CNKSR2: variants seen among roughly 807,000 people sequenced by gnomAD.
CNKSR2 encodes connector enhancer of kinase suppressor of Ras 2, also known as CNK homolog protein 2.
A neutral mutation model predicts 84.4 loss-of-function variants in CNKSR2; 14 were observed. That is an observed-to-expected ratio of 0.17 (90% CI 0.11 to 0.26). The LOEUF is 0.26. Among genes scored for constraint, CNKSR2 ranks in the 10% least tolerant of loss-of-function variants. The pLI is 1.00. For missense variants in CNKSR2, 485 were observed against 771.2 expected (o/e 0.63, Z 4.40); for synonymous variants, 275 against 277.9 (o/e 0.99, Z 0.10).
chrX:21,591,258 A>G lies in CNKSR2; in HGVS notation c.1830+64A>G, dbSNP rs1398773725. 4.1e-6 allele frequency: 4 copies of G among 969,554 alleles called. No homozygotes were observed. In the African/African-American group the frequency reaches 7.9e-5, roughly 19 times the overall value. 79.9% of individuals were successfully genotyped at this position (969,554 alleles called of 1,213,427 possible). ...ATCTTTAATCAAAAGAATCATTTTG[A>G]GACTTATATTTTAAAATCGTATAAT... is the stretch of plus-strand genomic sequence containing the variant. On this transcript the variant is annotated intron_variant, in intron 15 of 21. Transcript: ENST00000379510.
chrX:21,606,854 A>G lies in CNKSR2; in HGVS notation c.2120A>G (p.Tyr707Cys). The change falls in exon 19 of 22, where the codon TAT (tyrosine) becomes TGT (cysteine). Residue 707 changes from tyrosine (Y) to cysteine (C), a missense_variant. Coordinates refer to ENST00000379510, the MANE Select transcript of CNKSR2 (RefSeq NM_014927.5). ...AAACAAGATAGCCCTCCACCCCCAT[A>G]TGATACATACCCACGACCTCCCTCG... The part of the protein sequence containing the change: ...TPKQDSPPPP[Y>C]DTYPRPPSMS... 2 of 1,180,941 alleles carry G rather than the reference A, an allele frequency of 1.7e-6. No homozygotes were observed. The highest frequency in any genetic ancestry group is 2.3e-6 in the Non-Finnish European group (2 of 870,399).
Position 21,653,450 on chromosome X carries a change from C to T in CNKSR2, c.*929C>T, listed in dbSNP as rs1335161198. Reference sequence around the variant, plus strand: ...TAAACTGAAATGAATCAACTTTCCACTTAGTTTCCAATTTTCCCCTAGTCC... The same window carrying T: ...TAAACTGAAATGAATCAACTTTCCATTTAGTTTCCAATTTTCCCCTAGTCC... On this transcript the variant is annotated 3_prime_UTR_variant, in exon 22 of 22. Transcript: ENST00000379510. The T allele has an allele frequency of 9.0e-6, 1 of 110,632 alleles. No homozygotes were observed. The highest frequency in any genetic ancestry group is 9.7e-5 in the Admixed American group (1 of 10,269). 9.1% of individuals were successfully genotyped at this position (110,632 alleles called of 1,213,427 possible). A position where few individuals can be genotyped will look rare whatever the true frequency, so the allele number is the denominator to read the frequency against.
chrX:21,504,763 CA>C (rs1395544097), intron 8 of CNKSR2: 1 of 293,560 alleles, frequency 3.4e-6, no homozygotes, highest in Non-Finnish European at 5.9e-6. Flanking sequence ...TGTCCTTTTT[CA>C]TGTTGCTATA....
intron 5 of CNKSR2, among the ~76,000 whole-genome samples, chrX:21,484,556 T>C (rs993677224): frequency 8.9e-6 from 1 of 111,790 alleles, no homozygotes; most frequent in Non-Finnish European, 1.9e-5. Flanking sequence ...CTTGATTTTA[T>C]ATTTTATACT....
intron 9 of CNKSR2, among the ~76,000 whole-genome samples, chrX:21,525,677 G>A (rs367838955): frequency 2.7e-5 from 3 of 110,686 alleles, no homozygotes; most frequent in Admixed American, 1.9e-4. Context: ...CTTTTTAAGC[G>A]AATTTTGTTT....
intron 1 of CNKSR2, among the ~76,000 whole-genome samples, chrX:21,389,659 A>G (rs759695025): frequency 8.9e-6 from 1 of 112,098 alleles, no homozygotes; most frequent in South Asian, 3.7e-4. Flanking sequence ...GGATCTAGCA[A>G]TCATTCAGTA....
chrX:21,464,022 G>C (rs1268815711), intron 4 of CNKSR2, among the ~76,000 whole-genome samples: 3 of 111,785 alleles, frequency 2.7e-5, no homozygotes. Flanking sequence ...TTAGCACTAG[G>C]ACTTGCCTAA....
Position 21,633,581 on chromosome X carries a change from C to T in CNKSR2, c.2693-15250C>T, listed in dbSNP as rs754442690. Among the ~76,000 whole-genome samples the T allele has an allele frequency of 5.0e-5, 5 of 100,548 alleles. No individual in the cohort carries two copies. The South Asian group carries it at 1.8e-3, about 37-fold the overall frequency. The allele number at this position is 100,548 out of a possible 115,157, so 87.3% of individuals were successfully genotyped here. On this transcript the variant is annotated intron_variant, in intron 20 of 21. Coordinates refer to ENST00000379510, the MANE Select transcript of CNKSR2 (RefSeq NM_014927.5). Reference sequence around the variant, plus strand: ...AAACATTTGAATTTTGCAAGAGGAACTCACTGCAATGAAGTTCCTGTATCA... The same window carrying T: ...AAACATTTGAATTTTGCAAGAGGAATTCACTGCAATGAAGTTCCTGTATCA...
At chrX:21,548,928 A>G (rs2092056726) in intron 11 of CNKSR2, among the ~76,000 whole-genome samples, 1 of 112,287 alleles carries the variant, frequency 8.9e-6, no homozygotes, top group Non-Finnish European at 1.9e-5. Context: ...ATCTCAAAAT[A>G]ATAAGAGCTA....
chrX:21,455,714 C>T (rs2090987466), intron 4 of CNKSR2, among the ~76,000 whole-genome samples: 1 of 112,219 alleles, frequency 8.9e-6, no homozygotes. Context: ...CCTTAGTGTA[C>T]AAGATAAATT....
At position 21,437,609 on chromosome X, in the gene CNKSR2, G is replaced by A. The variant is rs184424512; in HGVS notation, c.432-3085G>A. 1.0e-2 allele frequency among the ~76,000 whole-genome samples: 1,080 copies of A among 108,272 alleles called. 20 individuals are homozygous for A. Among genetic ancestry groups the A allele is most frequent in the African/African-American group, 0.034 (1,020 of 29,744 alleles). The allele number at this position is 108,272 out of a possible 115,157, so 94.0% of individuals were successfully genotyped here. ...TAATTTTTGTATTTTTAGAAGAGAC[G>A]GGGTTTCACCATCTTGGCCAGGCTG... On this transcript the variant is annotated intron_variant, in intron 3 of 21. Coordinates refer to ENST00000379510, the MANE Select transcript of CNKSR2 (RefSeq NM_014927.5).
At chrX:21,542,961 T>C (rs915682216) in intron 11 of CNKSR2, among the ~76,000 whole-genome samples, 2 of 112,273 alleles carry the variant, frequency 1.8e-5, no homozygotes, top group Non-Finnish European at 3.8e-5. Context: ...CTCTGTAACA[T>C]TATACCTGAA....
chrX:21,649,790 A>G (rs1381149979), intron 21 of CNKSR2, among the ~76,000 whole-genome samples: 1 of 112,032 alleles, frequency 8.9e-6, no homozygotes, highest in Non-Finnish European at 1.9e-5. Flanking sequence ...AAACAAAAAC[A>G]GAAGACATTT....
chrX:21,526,786 ATTGTTGTTGTTG>A (rs113629606), intron 9 of CNKSR2, 69 bp from the exon 10 acceptor site: 8 of 764,114 alleles, frequency 1.0e-5, no homozygotes, highest in Middle Eastern at 3.1e-4. Context: ...ACTATGTGTC[ATTGTTGTTGTTG>A]TTGTTGTTGT....
chrX:21,519,349 G>GGAAAAGTTAAAGAAATAGTGAGAT (rs1268573614), intron 9 of CNKSR2, among the ~76,000 whole-genome samples: 1 of 111,102 alleles, frequency 9.0e-6, no homozygotes, highest in African/African-American at 3.3e-5. Flanking sequence ...CTCCAGAGCA[G>GGAAAAGTTAAAGAAATAGTGAGAT]GAAAAGTTAA....
intron 9 of CNKSR2, among the ~76,000 whole-genome samples, chrX:21,523,109 A>G (rs2091801343): frequency 9.0e-6 from 1 of 111,244 alleles, no homozygotes; most frequent in Admixed American, 9.5e-5. Flanking sequence ...TACAAGAGTC[A>G]CAACATACAT....
At chrX:21,395,319 A>G (rs754439982) in intron 1 of CNKSR2, among the ~76,000 whole-genome samples, 1 of 111,790 alleles carries the variant, frequency 8.9e-6, no homozygotes, top group South Asian at 3.7e-4. Flanking sequence ...ATAGTGTAAC[A>G]ATGTTGACCT....
Position 21,640,496 on chromosome X carries a change from A to G in CNKSR2, c.2693-8335A>G, listed in dbSNP as rs778122269. The stretch of plus-strand genomic sequence containing the variant: ...ATTTCTGCAAAAAGAGTATAATATT[A>G]CAGACAAAAATTAGTTCCGCTGATT... On this transcript the variant is annotated intron_variant, in intron 20 of 21. Coordinates refer to ENST00000379510, the MANE Select transcript of CNKSR2 (RefSeq NM_014927.5). 2.7e-5 allele frequency among the ~76,000 whole-genome samples: 3 copies of G among 111,846 alleles called. No homozygotes were observed. In the South Asian group the frequency reaches 1.1e-3, roughly 43 times the overall value.
intron 1 of CNKSR2, among the ~76,000 whole-genome samples, chrX:21,381,459 C>T (rs756982660): frequency 8.9e-6 from 1 of 111,809 alleles, no homozygotes; most frequent in East Asian, 2.8e-4. Flanking sequence ...CATTTTCAGT[C>T]GAGGTCATGA....
Sources: allele counts gnomAD v4.1 joint callset (sites outside exome capture counted in the v4.1 genomes callset), GRCh38; gene constraint gnomAD v4.1.1; transcripts MANE v1.5; gene names NCBI Gene and HGNC (gene_info 2026-07-23, HGNC 2026-07-21).